ESRRB: variants seen among roughly 807,000 people sequenced by gnomAD.
ESRRB encodes the protein steroid hormone receptor ERR2.
ESRRB carries 16 observed loss-of-function variants against 46.0 expected under a neutral mutation model. That is an observed-to-expected ratio of 0.35 (90% CI 0.24 to 0.53). The LOEUF (loss-of-function observed/expected upper bound fraction) is 0.53, where lower values mean the gene tolerates loss of function less well. Ranked by LOEUF, ESRRB falls within the 20% of genes least tolerant of loss-of-function variation. ESRRB has a pLI of 0.93. For missense variants in ESRRB, 488 were observed against 607.4 expected (o/e 0.80, Z 2.07); for synonymous variants, 246 against 259.6 (o/e 0.95, Z 0.50).
chr14:76,392,211 C>T (rs1038717626), intron 1 of ESRRB, among the ~76,000 whole-genome samples: 3 of 152,174 alleles, frequency 2.0e-5, no homozygotes, highest in Non-Finnish European at 4.4e-5. Flanking sequence ...GCCCTGTGTT[C>T]CCAGAGTCAA....
intron 1 of ESRRB, among the ~76,000 whole-genome samples, chr14:76,358,327 GAAAGAAAGAAAGAAAGA>G (rs1884413456): frequency 1.8e-4 from 2 of 11,226 alleles, no homozygotes; most frequent in Non-Finnish European, 1.4e-4. Context: ...AAAAAAAAAA[GAAAGAAAGAAAGAAAGA>G]AAGAAAGAAA....
chr14:76,331,755 C>T (rs561136688), intron 1 of ESRRB, among the ~76,000 whole-genome samples: 1 of 151,830 alleles, frequency 6.6e-6, no homozygotes, highest in African/African-American at 2.4e-5. Context: ...TCAGCCCTGC[C>T]TCTTTCTGCT....
chr14:76,475,957 T>C (rs1313513377), intron 3 of ESRRB, among the ~76,000 whole-genome samples: 1 of 152,102 alleles, frequency 6.6e-6, no homozygotes, highest in Non-Finnish European at 1.5e-5. Flanking sequence ...TTTCCCCTAA[T>C]GGTAACATCT....
intron 2 of ESRRB, among the ~76,000 whole-genome samples, chr14:76,456,037 C>T (rs912188528): frequency 3.3e-5 from 4 of 122,778 alleles, no homozygotes; most frequent in Admixed American, 8.5e-5. Context: ...GAGCGAAACT[C>T]GCACACACAC....
chr14:76,482,513 C>T lies in ESRRB; in HGVS notation c.689-85C>T. The T allele has an allele frequency of 6.8e-7, 1 of 1,469,750 alleles. No individual in the cohort carries two copies. Among genetic ancestry groups the T allele is most frequent in the South Asian group, 1.2e-5 (1 of 86,448 alleles). The allele number at this position is 1,469,750 out of a possible 1,614,324, so 91.0% of individuals were successfully genotyped here. A position where few individuals can be genotyped will look rare whatever the true frequency, so the allele number is the denominator to read the frequency against. On this transcript the variant is annotated intron_variant, in intron 4 of 6. Coordinates refer to ENST00000644823, the MANE Select transcript of ESRRB (RefSeq NM_001379180.1). This position sits in a 1 kb window ranked among gnomAD's most constrained non-coding sequence, Gnocchi z 4.3. ...CTTCCTGGAGCTCTTAGGAACCCAACTTTGCTTCCTGACCCATCTGAGCCT... is the reference window on the plus strand; with the variant it reads ...CTTCCTGGAGCTCTTAGGAACCCAATTTTGCTTCCTGACCCATCTGAGCCT...
At chr14:76,484,962 C>G (rs7154927) in intron 5 of ESRRB, among the ~76,000 whole-genome samples, 87,095 of 152,136 alleles carry the variant, frequency 0.57, 25,653 homozygotes, top group East Asian at 0.74. Context: ...CGCTTACCAG[C>G]GCTGTTGTAG....
chr14:76,404,201 CGT>C (rs1566878952), intron 1 of ESRRB, among the ~76,000 whole-genome samples: 2 of 151,956 alleles, frequency 1.3e-5, no homozygotes, highest in African/African-American at 2.4e-5. Context: ...TGCGCGCGTG[CGT>C]GTGTCTTCAG....
At chr14:76,474,720 A>T (rs540953458) in intron 3 of ESRRB, among the ~76,000 whole-genome samples, 1 of 152,284 alleles carries the variant, frequency 6.6e-6, no homozygotes, top group East Asian at 1.9e-4. Context: ...ATGTACCCAT[A>T]ATCCCGGCTA....
chr14:76,366,679 G>T (rs1421292998), upstream of ESRRB, among the ~76,000 whole-genome samples: 1 of 152,178 alleles, frequency 6.6e-6, no homozygotes, highest in Non-Finnish European at 1.5e-5. Context: ...AGCACAATAT[G>T]TACTTGGCCT....
intron 2 of ESRRB, among the ~76,000 whole-genome samples, chr14:76,460,024 T>C (rs1032258356): frequency 1.3e-5 from 2 of 152,214 alleles, no homozygotes; most frequent in Non-Finnish European, 2.9e-5. Context: ...GAGAATACTC[T>C]CTGAGCCTTT....
At chr14:76,483,875 A>G (rs955221692) in intron 5 of ESRRB, among the ~76,000 whole-genome samples, 1 of 151,968 alleles carries the variant, frequency 6.6e-6, no homozygotes, top group Non-Finnish European at 1.5e-5. Context: ...GTTTTTTGAG[A>G]CAGAGTCTTG....
intron 1 of ESRRB, among the ~76,000 whole-genome samples, chr14:76,318,282 G>A (rs1007779813): frequency 3.9e-5 from 6 of 152,144 alleles, no homozygotes; most frequent in African/African-American, 1.2e-4. Context: ...GGTTTGGGAG[G>A]GGAGTTGCCA....
At chr14:76,396,303 A>G (rs1885679536) in intron 1 of ESRRB, among the ~76,000 whole-genome samples, 1 of 152,246 alleles carries the variant, frequency 6.6e-6, no homozygotes, top group Non-Finnish European at 1.5e-5. Context: ...GACAGTGGAT[A>G]GAGTAAAATC....
intron 1 of ESRRB, among the ~76,000 whole-genome samples, chr14:76,380,742 G>A (rs558948164): frequency 6.6e-6 from 1 of 152,140 alleles, no homozygotes; most frequent in Non-Finnish European, 1.5e-5. Context: ...GAATGTTACT[G>A]GGGTGGGGAG....
chr14:76,499,842 A>G lies in ESRRB; in HGVS notation c.*1384A>G, dbSNP rs1409720062. ...TTCACTAACTCAAGGGGCAGCCCTGAACACCCATTTGTGCTCACAGGTTGG... is the reference window on the plus strand; with the variant it reads ...TTCACTAACTCAAGGGGCAGCCCTGGACACCCATTTGTGCTCACAGGTTGG... On this transcript the variant is annotated 3_prime_UTR_variant, in exon 7 of 7. Transcript: ENST00000644823. The G allele has an allele frequency of 6.2e-6, 10 of 1,608,336 alleles. No homozygotes were observed. The highest frequency in any genetic ancestry group is 2.7e-5 in the African/African-American group (2 of 74,792).
At chr14:76,424,884 G>A (rs988296399) in intron 1 of ESRRB, among the ~76,000 whole-genome samples, 15 of 152,082 alleles carry the variant, frequency 9.9e-5, no homozygotes, top group African/African-American at 3.6e-4. Flanking sequence ...TTACAGGCAT[G>A]CACCACCACG....
chr14:76,320,709 G>C lies in ESRRB; in HGVS notation c.2+9793G>C, dbSNP rs191533820. On this transcript the variant is annotated intron_variant, in intron 1 of 6. Transcript: ENST00000512784. ...TGGCTGATGGTGCTTAGCGGTTTTG[G>C]TTTCCTCCCTTGAGGCCCTCCCTCA... 2.8e-4 allele frequency among the ~76,000 whole-genome samples: 43 copies of C among 152,318 alleles called. No individual in the cohort carries two copies. In the East Asian group the frequency reaches 7.7e-3, roughly 27 times the overall value.
At chr14:76,338,439 A>G (rs1320509955) in intron 1 of ESRRB, among the ~76,000 whole-genome samples, 1 of 152,148 alleles carries the variant, frequency 6.6e-6, no homozygotes, top group Non-Finnish European at 1.5e-5. Flanking sequence ...AAAACCATGG[A>G]CATCTGTTAT....
chr14:76,373,944 G>T (rs11625878), upstream of ESRRB, among the ~76,000 whole-genome samples: 29,904 of 152,160 alleles, frequency 0.2, 3,668 homozygotes, highest in Non-Finnish European at 0.28. Flanking sequence ...CTGTGATGTG[G>T]TCTTTCTTTT....
Sources: gnomAD v4.1 joint callset for allele counts (sites outside exome capture counted in the v4.1 genomes callset) on GRCh38, gnomAD v4.1.1 for gene constraint, Gnocchi (gnomAD v3.1) non-coding constraint, MANE v1.5 for transcripts, NCBI Gene and HGNC (gene_info 2026-07-23, HGNC 2026-07-21) for gene names.